Variants in EPHA3 observed in about 807,000 individuals in gnomAD.
EPHA3 encodes ephrin type-A receptor 3.
EPHA3 carries 42 observed loss-of-function variants against 107.1 expected under a neutral mutation model. That is an observed-to-expected ratio of 0.39 (90% CI 0.31 to 0.51). The LOEUF is 0.51. Ranked by LOEUF, EPHA3 falls within the 20% of genes least tolerant of loss-of-function variation. The probability of loss-of-function intolerance (pLI) is 0.78; values close to 1 mark genes in which losing one functional copy is unlikely to be tolerated. For missense variants in EPHA3, 1,183 were observed against 1,211.2 expected (o/e 0.98, Z 0.35); for synonymous variants, 461 against 424.8 (o/e 1.09, Z -1.05).
chr3:89,164,791 C>G (rs1431681936), intron 2 of EPHA3, among the ~76,000 whole-genome samples: 1 of 152,114 alleles, frequency 6.6e-6, no homozygotes, highest in East Asian at 1.9e-4. Flanking sequence ...TAGGATAATG[C>G]CCCAGAACAC....
chr3:89,214,098 T>A (rs1328592748), intron 3 of EPHA3, among the ~76,000 whole-genome samples: 1 of 152,026 alleles, frequency 6.6e-6, no homozygotes, highest in African/African-American at 2.4e-5. Context: ...ATGAGCCTAA[T>A]GCCAAAAAAA....
chr3:89,152,410 T>C (rs1704708832), intron 2 of EPHA3, among the ~76,000 whole-genome samples: 1 of 152,048 alleles, frequency 6.6e-6, no homozygotes, highest in Non-Finnish European at 1.5e-5. Flanking sequence ...TCCTTTCACA[T>C]ATGGAAGTTT....
chr3:89,471,508 A>G (rs1437530601), intron 15 of EPHA3, among the ~76,000 whole-genome samples: 4 of 152,254 alleles, frequency 2.6e-5, no homozygotes, highest in African/African-American at 7.2e-5. Flanking sequence ...AGCTGGGATT[A>G]CAGGCATGTG....
intron 2 of EPHA3, among the ~76,000 whole-genome samples, chr3:89,176,422 A>G (rs1270905230): frequency 6.7e-6 from 1 of 150,034 alleles, no homozygotes; most frequent in Non-Finnish European, 1.5e-5. Flanking sequence ...GAACCCACCC[A>G]GGAGGCAGAG....
chr3:89,458,118 G>C lies in EPHA3; in HGVS notation c.2690+7748G>C, dbSNP rs373171481. 4.6e-5 allele frequency among the ~76,000 whole-genome samples: 7 copies of C among 152,218 alleles called. No homozygotes were observed. The East Asian group carries it at 5.8e-4, about 13-fold the overall frequency. On this transcript the variant is annotated intron_variant, in intron 15 of 16. Coordinates refer to ENST00000336596, the MANE Select transcript of EPHA3 (RefSeq NM_005233.6). ...CTGTTTCCATTGTATGTAACAAGGT[G>C]TAGTGGCAGCCAATCCAGATTTTAG... is the stretch of plus-strand genomic sequence containing the variant.
chr3:89,216,967 T>G (rs1704235384), intron 3 of EPHA3, among the ~76,000 whole-genome samples: 1 of 152,146 alleles, frequency 6.6e-6, no homozygotes, highest in Admixed American at 6.6e-5. Flanking sequence ...TGGACTTAGA[T>G]TCTGTGAAAT....
chr3:89,457,544 C>T (rs936559636), intron 15 of EPHA3, among the ~76,000 whole-genome samples: 8 of 152,152 alleles, frequency 5.3e-5, no homozygotes, highest in African/African-American at 1.9e-4. Context: ...GAAACCATCC[C>T]CCACCACACC....
At chr3:89,330,792 A>AT (rs907578308) in intron 3 of EPHA3, among the ~76,000 whole-genome samples, 2 of 152,124 alleles carry the variant, frequency 1.3e-5, no homozygotes, top group African/African-American at 4.8e-5. Flanking sequence ...CTCTGTTTTC[A>AT]TTTAAAATCC....
intron 5 of EPHA3, among the ~76,000 whole-genome samples, chr3:89,379,470 C>T (rs1220940437): frequency 6.6e-6 from 1 of 152,070 alleles, no homozygotes; most frequent in Non-Finnish European, 1.5e-5. Context: ...TTTTGTAGTA[C>T]TTAATTTGTT....
In EPHA3 at chr3:89,217,397, G is replaced by A. The variant is rs111657964; in HGVS notation, c.814+6877G>A. Among the ~76,000 whole-genome samples the A allele has an allele frequency of 5.4e-3, 819 of 151,502 alleles. 9 individuals carry two copies. The highest frequency in any genetic ancestry group is 0.019 in the African/African-American group (777 of 41,304). On this transcript the variant is annotated intron_variant, in intron 3 of 16. Coordinates refer to ENST00000336596, the MANE Select transcript of EPHA3 (RefSeq NM_005233.6). ...TTTTCTAGGAACAGAATCCAGGGTC[G>A]TTAAAAAAACAAAAACAAAAACAAA...
In EPHA3 at chr3:89,109,055, G is replaced by A. The variant is rs565724303; in HGVS notation, c.88+1219G>A. Among the ~76,000 whole-genome samples, 176 of 152,172 alleles carry A rather than the reference G, an allele frequency of 1.2e-3. 2 individuals carry two copies. The highest frequency in any genetic ancestry group is 4.0e-3 in the African/African-American group (165 of 41,546). Reference sequence around the variant, plus strand: ...ATACTTAGAAAGTTTTTTATTAAATGTAATAACTGCCTGATACTCGGTGAC... The same window carrying A: ...ATACTTAGAAAGTTTTTTATTAAATATAATAACTGCCTGATACTCGGTGAC... On this transcript the variant is annotated intron_variant, in intron 1 of 16. Transcript: ENST00000336596.
intron 3 of EPHA3, among the ~76,000 whole-genome samples, chr3:89,266,265 C>A (rs1334255689): frequency 6.6e-6 from 1 of 152,156 alleles, no homozygotes; most frequent in Non-Finnish European, 1.5e-5. Context: ...CTAGGTCACA[C>A]AGTTACTAAG....
chr3:89,453,100 T>C (rs1710026206), intron 15 of EPHA3, among the ~76,000 whole-genome samples: 1 of 152,144 alleles, frequency 6.6e-6, no homozygotes, highest in Non-Finnish European at 1.5e-5. Context: ...GAAATTCACC[T>C]GACAGTTTAA....
chr3:89,184,410 C>A (rs1192765732), intron 2 of EPHA3, among the ~76,000 whole-genome samples: 2 of 151,994 alleles, frequency 1.3e-5, no homozygotes, highest in Non-Finnish European at 2.9e-5. Context: ...ATTCATTGGG[C>A]TGGTTGTTTA....
At chr3:89,147,034 A>G (rs1704573990) in intron 2 of EPHA3, among the ~76,000 whole-genome samples, 1 of 151,976 alleles carries the variant, frequency 6.6e-6, no homozygotes, top group Admixed American at 6.6e-5. Context: ...TGTCCTTTGC[A>G]GGGACACAGA....
In EPHA3 at chr3:89,297,462, A is replaced by T. The variant is rs114185161; in HGVS notation, c.815-43454A>T. Among the ~76,000 whole-genome samples the T allele has an allele frequency of 1.5e-3, 223 of 152,290 alleles. 1 individual carries two copies. The highest frequency in any genetic ancestry group is 5.0e-3 in the African/African-American group (206 of 41,572). ...GTGAATGGAGCAGACAATATTTATC[A>T]ATTAAGGTTGCCATCTTTTATGGGC... On this transcript the variant is annotated intron_variant, in intron 3 of 16. Transcript: ENST00000336596.
chr3:89,286,202 C>A (rs1342332998), intron 3 of EPHA3, among the ~76,000 whole-genome samples: 1 of 146,900 alleles, frequency 6.8e-6, no homozygotes, highest in Admixed American at 6.9e-5. Context: ...GGGCTGGTTC[C>A]ATTAAGAAAG....
chr3:89,133,400 G>A (rs942451360), intron 2 of EPHA3, among the ~76,000 whole-genome samples: 2 of 152,152 alleles, frequency 1.3e-5, no homozygotes, highest in Non-Finnish European at 2.9e-5. Flanking sequence ...ATTAGTCAAA[G>A]TAGGAACCAT....
At chr3:89,223,340 C>T (rs776750963) in intron 3 of EPHA3, among the ~76,000 whole-genome samples, 3 of 152,046 alleles carry the variant, frequency 2.0e-5, no homozygotes, top group Non-Finnish European at 4.4e-5. Context: ...GATGGTTGCT[C>T]TTATTAGAGA....
Sources: allele counts gnomAD v4.1 joint callset (sites outside exome capture counted in the v4.1 genomes callset), GRCh38; gene constraint gnomAD v4.1.1; transcripts MANE v1.5; gene names NCBI Gene and HGNC (gene_info 2026-07-23, HGNC 2026-07-21).